The following MYCBP2 variants were observed in gnomAD, a reference collection of about 807,000 sequenced individuals.
MYCBP2 encodes MYC binding protein 2, also known as E3 ubiquitin-protein ligase MYCBP2.
In MYCBP2, 120 loss-of-function variants were observed where a neutral mutation model predicts 525.3. That is an observed-to-expected ratio of 0.23 (90% confidence interval 0.20 to 0.27). MYCBP2 has a LOEUF of 0.27. MYCBP2 is among the 10% of genes least tolerant of loss of function. MYCBP2 has a pLI of 1.00. For synonymous variants in MYCBP2, 1,894 were observed against 1,955.8 expected, an observed-to-expected ratio of 0.97 and a Z score of 0.83; for missense variants, 4,149 against 5,657.1, an observed-to-expected ratio of 0.73 and a Z score of 8.55.
At chr13:77,115,364 T>C (rs1382935171) in intron 55 of MYCBP2, among the ~76,000 whole-genome samples, 4 of 151,906 alleles carry the variant, frequency 2.6e-5, no homozygotes, top group African/African-American at 9.7e-5. Context: ...ATAATTAGTT[T>C]TTAAATTAAA....
At chr13:77,281,661 T>C (rs907826237) in intron 3 of MYCBP2, among the ~76,000 whole-genome samples, 2 of 152,186 alleles carry the variant, frequency 1.3e-5, no homozygotes, top group African/African-American at 2.4e-5. Context: ...GCCAGTCTAA[T>C]ATGCTAGGAA....
At chr13:77,168,393 T>C in intron 40 of MYCBP2, 35 bp downstream of exon 40, 1 of 1,584,536 alleles carries the variant, frequency 6.3e-7, no homozygotes, top group East Asian at 2.2e-5. Context: ...CATGCCAAGT[T>C]TTACATTCGA....
At chr13:77,059,688 A>T in intron 76 of MYCBP2, 62 bp from the exon 77 acceptor site, 1 of 1,273,078 alleles carries the variant, frequency 7.9e-7, no homozygotes, top group Non-Finnish European at 1.1e-6. Flanking sequence ...TGTTAACAGA[A>T]CTAAATTTTA....
intron 3 of MYCBP2, among the ~76,000 whole-genome samples, chr13:77,283,697 G>T (rs548358832): frequency 6.6e-6 from 1 of 152,076 alleles, no homozygotes; most frequent in Non-Finnish European, 1.5e-5. Context: ...AAGAGTTCGA[G>T]ACCAGCCTGG....
chr13:77,324,112 C>T (rs2082016786), intron 1 of MYCBP2, among the ~76,000 whole-genome samples: 1 of 152,146 alleles, frequency 6.6e-6, no homozygotes, highest in Admixed American at 6.5e-5. Context: ...CCATTCACTC[C>T]TCACCACATC....
At chr13:77,282,323 T>C (rs375717825) in intron 3 of MYCBP2, among the ~76,000 whole-genome samples, 1 of 150,634 alleles carries the variant, frequency 6.6e-6, no homozygotes, top group Non-Finnish European at 1.5e-5. Context: ...GGCAGGAGAA[T>C]CACTTGAACC....
chr13:77,324,121 T>C (rs2082018034), intron 1 of MYCBP2, among the ~76,000 whole-genome samples: 1 of 152,100 alleles, frequency 6.6e-6, no homozygotes, highest in South Asian at 2.1e-4. Flanking sequence ...CCTCACCACA[T>C]CCCTCTATTC....
chr13:77,243,312 G>A (rs1239046865), intron 16 of MYCBP2, 152 bp from the exon 17 acceptor site: 2 of 698,574 alleles, frequency 2.9e-6, no homozygotes, highest in Non-Finnish European at 2.4e-6. Context: ...AGCCAAAAAG[G>A]GAAAAAGAAT....
rs903014611 is a variant in MYCBP2 at position 77,139,942 on chromosome 13, G to A, written c.7518+105C>T. 48 of 660,392 alleles carry A rather than the reference G, an allele frequency of 7.3e-5. No homozygotes were observed. The Admixed American group carries it at 1.3e-3, about 18-fold the overall frequency. The allele number at this position is 660,392 out of a possible 1,614,324, so 40.9% of individuals were successfully genotyped here. On this transcript the variant is annotated intron_variant, in intron 51 of 82. Coordinates refer to ENST00000544440, the MANE Select transcript of MYCBP2 (RefSeq NM_015057.5). The stretch of plus-strand genomic sequence containing the variant: ...ATAGTTTTAAAATATTTCCCAAACT[G>A]CTTAAAACATATTCTGACAAAAAAC...
intron 55 of MYCBP2, among the ~76,000 whole-genome samples, chr13:77,107,255 T>C (rs1169164792): frequency 6.6e-6 from 1 of 152,152 alleles, no homozygotes; most frequent in African/African-American, 2.4e-5. Context: ...TGAGGATATT[T>C]GAGAAATTAA....
intron 55 of MYCBP2, among the ~76,000 whole-genome samples, chr13:77,115,939 A>AAT (rs937669235): frequency 9.2e-5 from 14 of 151,474 alleles, no homozygotes; most frequent in Admixed American, 2.0e-4. Flanking sequence ...ATAAATTAAA[A>AAT]ATATATATAT....
intron 50 of MYCBP2, among the ~76,000 whole-genome samples, chr13:77,140,423 C>T (rs1011860134): frequency 6.6e-5 from 10 of 152,046 alleles, no homozygotes; most frequent in Non-Finnish European, 1.0e-4. Context: ...ACTGAAGATA[C>T]GTGTTAAGAA....
At chr13:77,294,111 T>TAC (rs2077813374) in intron 2 of MYCBP2, among the ~76,000 whole-genome samples, 1 of 54,470 alleles carries the variant, frequency 1.8e-5, no homozygotes, top group Non-Finnish European at 4.8e-5. Flanking sequence ...TGGCTATATA[T>TAC]ATATATATAT....
chr13:77,056,350 C>T (rs937822467), intron 79 of MYCBP2, among the ~76,000 whole-genome samples: 2 of 151,988 alleles, frequency 1.3e-5, no homozygotes, highest in African/African-American at 4.8e-5. Flanking sequence ...ACATTCTACC[C>T]TTTATATTAG....
intron 71 of MYCBP2, among the ~76,000 whole-genome samples, chr13:77,067,216 TA>T (rs1412928975): frequency 6.6e-6 from 1 of 152,188 alleles, no homozygotes; most frequent in African/African-American, 2.4e-5. Flanking sequence ...GAAATGTACA[TA>T]AAGCTTTAGT....
At chr13:77,087,378 T>C (rs1594399899) in intron 62 of MYCBP2, 106 bp downstream of exon 62, 1 of 1,016,514 alleles carries the variant, frequency 9.8e-7, no homozygotes, top group Non-Finnish European at 1.4e-6. Flanking sequence ...TCTTTTTGCT[T>C]TCAAGTTAGA....
Position 77,126,400 on chromosome 13 carries a change from T to C in MYCBP2, c.7802A>G (p.His2601Arg). The change falls in exon 53 of 83, where the codon CAC becomes CGC. Residue 2601 changes from histidine to arginine, a missense_variant. Coordinates refer to ENST00000544440, the MANE Select transcript of MYCBP2 (RefSeq NM_015057.5). ...YKVVKTGPSG[H>R]NIRSCPNLRG... ...AAGGTTAGGGCAGCTTCTGATGTTGTGACCTGAAGGTCCCGTCTTCACTAC... is the reference window on the plus strand; with the variant it reads ...AAGGTTAGGGCAGCTTCTGATGTTGCGACCTGAAGGTCCCGTCTTCACTAC... 1 of 1,614,038 alleles carries C rather than the reference T, an allele frequency of 6.2e-7. No homozygotes were observed. Among genetic ancestry groups the C allele is most frequent in the Non-Finnish European group, 8.5e-7 (1 of 1,179,898 alleles).
At chr13:77,055,132 TAAAA>T (rs11346823) in intron 80 of MYCBP2, among the ~76,000 whole-genome samples, 2 of 109,478 alleles carry the variant, frequency 1.8e-5, no homozygotes, top group Non-Finnish European at 4.7e-5. Context: ...AGGGGTAGGT[TAAAA>T]AAAAAAAAAG....
chr13:77,130,690 A>G (rs1426063426), intron 52 of MYCBP2, among the ~76,000 whole-genome samples: 2 of 152,140 alleles, frequency 1.3e-5, no homozygotes, highest in Non-Finnish European at 2.9e-5. Context: ...TGGTTCATCC[A>G]CGTATATAAG....
Sources: gnomAD v4.1 joint callset for allele counts (sites outside exome capture counted in the v4.1 genomes callset) on GRCh38, gnomAD v4.1.1 for gene constraint, MANE v1.5 for transcripts, NCBI Gene and HGNC (gene_info 2026-07-23, HGNC 2026-07-21) for gene names.